The following CEP85 variants were observed in gnomAD, a reference collection of about 807,000 sequenced individuals.
The protein encoded by CEP85 is centrosomal protein 85.
A neutral mutation model predicts 93.7 loss-of-function variants in CEP85; 58 were observed. The ratio of observed to expected loss-of-function variants is 0.62; its 90% CI spans 0.50 to 0.77. CEP85 has a LOEUF of 0.77. CEP85 is among the 30% of genes least tolerant of loss of function. CEP85 has a pLI of 0.00. For synonymous variants in CEP85, 314 were observed against 338.6 expected, an observed-to-expected ratio of 0.93 and a Z score of 0.80; for missense variants, 868 against 922.0, an observed-to-expected ratio of 0.94 and a Z score of 0.76.
Position 26,239,826 on chromosome 1 carries a change from G to A in CEP85, c.43G>A (p.Val15Ile), listed in dbSNP as rs367865568. Residue 15 changes from valine to isoleucine, a missense_variant, in exon 2 of 14, where the codon GTC becomes ATC. Coordinates refer to ENST00000451429, the MANE Select transcript of CEP85 (RefSeq NM_001319944.2). ...EKYPTEGISH[V>I]TSPSSDVIQK... The stretch of plus-strand genomic sequence containing the variant: ...ATATCCAACTGAGGGGATCTCTCAC[G>A]TCACTTCACCGAGTGAGTAGTCAGA... 8.7e-6 allele frequency: 14 copies of A among 1,612,964 alleles called. No homozygotes were observed. The highest frequency in any genetic ancestry group is 4.4e-5 in the South Asian group (4 of 91,062).
intron 4 of CEP85, among the ~76,000 whole-genome samples, chr1:26,256,118 G>A (rs1239218617): frequency 6.6e-6 from 1 of 152,138 alleles, no homozygotes; most frequent in Non-Finnish European, 1.5e-5. Flanking sequence ...ACGTCACTAG[G>A]CTAAGTACTT....
chr1:26,269,704 T>C lies in CEP85; in HGVS notation c.1649+90T>C, dbSNP rs999991992. 5 of 1,061,656 alleles carry C rather than the reference T, an allele frequency of 4.7e-6. No homozygotes were observed. In the African/African-American group the frequency reaches 4.8e-5, roughly 10 times the overall value. 65.8% of individuals were successfully genotyped at this position (1,061,656 alleles called of 1,614,324 possible). A position where few individuals can be genotyped will look rare whatever the true frequency, so the allele number is the denominator to read the frequency against. ...ACTTACCTGTGTGACTTTGGGTGAT[T>C]TGGGAAAATCATTTTACTTATCTGA... On this transcript the variant is annotated intron_variant, in intron 9 of 13. Coordinates refer to ENST00000451429, the MANE Select transcript of CEP85 (RefSeq NM_001319944.2).
chr1:26,248,298 A>T (rs956334830), intron 3 of CEP85, among the ~76,000 whole-genome samples: 14 of 152,208 alleles, frequency 9.2e-5, no homozygotes, highest in South Asian at 8.3e-4. Flanking sequence ...AGATATTTTT[A>T]AAATCAATCA....
At chr1:26,274,667 G>A (rs536455936) in intron 11 of CEP85, among the ~76,000 whole-genome samples, 3 of 152,284 alleles carry the variant, frequency 2.0e-5, no homozygotes, top group South Asian at 4.1e-4. Context: ...GTCATTCATC[G>A]TGACGGTGTA....
intron 7 of CEP85, among the ~76,000 whole-genome samples, chr1:26,261,224 G>T (rs1263262195): frequency 2.0e-5 from 3 of 151,864 alleles, no homozygotes; most frequent in Non-Finnish European, 4.4e-5. Flanking sequence ...TGTAATCCCT[G>T]CACTTTGGGA....
At position 26,278,804 on chromosome 1, in the gene CEP85, CA is replaced by C. The variant is rs2090090546; in HGVS notation, c.*1512del. ...TTGATTATAAAATAAAGTATCTTAA[CA>C]GACTCCTCAGTTTTCCATACCCTTC... On this transcript the variant is annotated 3_prime_UTR_variant, in exon 14 of 14. Coordinates refer to ENST00000451429, the MANE Select transcript of CEP85 (RefSeq NM_001319944.2). 6.6e-6 allele frequency: 1 copy of C among 152,264 alleles called. No homozygotes were observed. Among genetic ancestry groups the C allele is most frequent in the Non-Finnish European group, 1.5e-5 (1 of 68,036 alleles). The allele number at this position is 152,264 out of a possible 1,614,324, so 9.4% of individuals were successfully genotyped here. A position where few individuals can be genotyped will look rare whatever the true frequency, so the allele number is the denominator to read the frequency against.
chr1:26,275,889 G>A (rs2090046639), intron 12 of CEP85, among the ~76,000 whole-genome samples: 2 of 152,226 alleles, frequency 1.3e-5, no homozygotes, highest in African/African-American at 2.4e-5. Flanking sequence ...AAGCTGTCAG[G>A]AAGAGAGGGA....
At chr1:26,258,358 AAG>A in intron 6 of CEP85, 98 bp downstream of exon 6, 1 of 756,606 alleles carries the variant, frequency 1.3e-6, no homozygotes, top group South Asian at 1.6e-5. Context: ...AAAAGAGCTC[AAG>A]TGATGTAAGT....
At chr1:26,274,639 C>CCTG (rs1377806503) in intron 11 of CEP85, among the ~76,000 whole-genome samples, 1 of 152,124 alleles carries the variant, frequency 6.6e-6, no homozygotes, top group Non-Finnish European at 1.5e-5. Flanking sequence ...ACACTGCAGC[C>CCTG]TTCAGGGATG....
At chr1:26,256,928 G>GTGTGTGTGTGTGTGTGTGTGTGTGT (rs199539021) in intron 4 of CEP85, among the ~76,000 whole-genome samples, 17 of 111,490 alleles carry the variant, frequency 1.5e-4, no homozygotes, top group South Asian at 5.7e-4. Context: ...GTTTTGTTTT[G>GTGTGTGTGTGTGTGTGTGTGTGTGT]GTGTGTGTGT....
At chr1:26,251,655 C>T (rs941701663) in intron 3 of CEP85, among the ~76,000 whole-genome samples, 2 of 152,188 alleles carry the variant, frequency 1.3e-5, no homozygotes, top group East Asian at 1.9e-4. Context: ...TTAGAGGCCC[C>T]CACCTCTTAA....
chr1:26,247,049 T>C (rs2089520503), intron 3 of CEP85, among the ~76,000 whole-genome samples: 1 of 152,166 alleles, frequency 6.6e-6, no homozygotes, highest in Non-Finnish European at 1.5e-5. Context: ...GTGGCGGGAT[T>C]AAATTCTCAC....
At chr1:26,266,137 AGG>A (rs2089891099) in intron 7 of CEP85, among the ~76,000 whole-genome samples, 1 of 151,694 alleles carries the variant, frequency 6.6e-6, no homozygotes, top group African/African-American at 2.4e-5. Flanking sequence ...TGAACCCGGG[AGG>A]TGGAGGTTCC....
chr1:26,261,567 T>C (rs923373986), intron 7 of CEP85, among the ~76,000 whole-genome samples: 1 of 152,138 alleles, frequency 6.6e-6, no homozygotes. Context: ...ATAATAAAAC[T>C]AGTAGTTCTA....
At chr1:26,235,653 A>G (rs1247795922) in intron 1 of CEP85, among the ~76,000 whole-genome samples, 2 of 143,672 alleles carry the variant, frequency 1.4e-5, no homozygotes, top group East Asian at 2.0e-4. Context: ...GCTCACCGCA[A>G]CCTCCGCCTC....
chr1:26,244,588 A>G (rs2089481214), intron 3 of CEP85, among the ~76,000 whole-genome samples: 1 of 151,964 alleles, frequency 6.6e-6, no homozygotes, highest in African/African-American at 2.4e-5. Context: ...GTGCACTGGC[A>G]TGATCATAGC....
At chr1:26,258,030 G>T in intron 5 of CEP85, 113 bp from the exon 6 acceptor site, 1 of 759,726 alleles carries the variant, frequency 1.3e-6, no homozygotes. Context: ...TCAGAAAATA[G>T]TGATATCCAG....
intron 7 of CEP85, among the ~76,000 whole-genome samples, chr1:26,266,075 G>A (rs955703848): frequency 2.1e-4 from 32 of 152,080 alleles, no homozygotes; most frequent in African/African-American, 7.7e-4. Context: ...TGGGCGTGGT[G>A]GTGGACACCT....
chr1:26,275,200 G>A lies in CEP85; in HGVS notation c.1902+129G>A, dbSNP rs1041742409. Reference sequence around the variant, plus strand: ...GAAAGGTCCCTACTGAGCTCTGGGGGCAGAGGAAAGGTGCATTGCATCATT... The same window carrying A: ...GAAAGGTCCCTACTGAGCTCTGGGGACAGAGGAAAGGTGCATTGCATCATT... On this transcript the variant is annotated intron_variant, in intron 12 of 13. Transcript: ENST00000451429. 10 of 645,724 alleles carry A rather than the reference G, an allele frequency of 1.5e-5. No homozygotes were observed. The African/African-American group carries it at 1.8e-4, about 12-fold the overall frequency. The allele number at this position is 645,724 out of a possible 1,614,324, so 40.0% of individuals were successfully genotyped here. A position where few individuals can be genotyped will look rare whatever the true frequency, so the allele number is the denominator to read the frequency against.
Sources: allele counts gnomAD v4.1 joint callset (sites outside exome capture counted in the v4.1 genomes callset), GRCh38; gene constraint gnomAD v4.1.1; transcripts MANE v1.5; gene names NCBI Gene and HGNC (gene_info 2026-07-23, HGNC 2026-07-21).